Variants in FBXL7 observed in about 807,000 individuals in gnomAD.
FBXL7 encodes F-box/LRR-repeat protein 7.
FBXL7 carries 12 observed loss-of-function variants against 38.3 expected under a neutral mutation model. The ratio of observed to expected loss-of-function variants is 0.31; its 90% CI spans 0.20 to 0.51. The LOEUF (loss-of-function observed/expected upper bound fraction) is 0.51, where lower values mean the gene tolerates loss of function less well. Among genes scored for constraint, FBXL7 ranks in the 20% least tolerant of loss-of-function variants. The probability of loss-of-function intolerance (pLI) is 0.98; values close to 1 mark genes in which losing one functional copy is unlikely to be tolerated. For synonymous variants in FBXL7, 297 were observed against 300.9 expected, an observed-to-expected ratio of 0.99 and a Z score of 0.13; for missense variants, 567 against 676.4, an observed-to-expected ratio of 0.84 and a Z score of 1.79.
chr5:15,571,486 C>T (rs1212880920), intron 1 of FBXL7, among the ~76,000 whole-genome samples: 1 of 152,048 alleles, frequency 6.6e-6, no homozygotes, highest in African/African-American at 2.4e-5. Flanking sequence ...TGATTTGAAC[C>T]CAGTGGCTTT....
At chr5:15,591,773 C>T (rs920892839) in intron 1 of FBXL7, among the ~76,000 whole-genome samples, 12 of 152,056 alleles carry the variant, frequency 7.9e-5, no homozygotes, top group Non-Finnish European at 1.2e-4. Flanking sequence ...TGCAGTGTCA[C>T]GATCTTGGCT....
At chr5:15,559,504 C>T (rs887053814) in intron 1 of FBXL7, among the ~76,000 whole-genome samples, 3 of 152,040 alleles carry the variant, frequency 2.0e-5, no homozygotes, top group Admixed American at 1.3e-4. Flanking sequence ...ATCAGAGAAC[C>T]GACGTGACTT....
chr5:15,852,132 T>C lies in FBXL7; in HGVS notation c.128-75758T>C, dbSNP rs78385098. Among the ~76,000 whole-genome samples the C allele has an allele frequency of 4.0e-3, 610 of 152,266 alleles. 2 individuals carry two copies. Among genetic ancestry groups the C allele is most frequent in the Non-Finnish European group, 6.6e-3 (452 of 68,024 alleles). ...AGTACATGCTAGATCATAGCTGACT[T>C]GCACTATCCTTCCAAACTTTGGAAT... On this transcript the variant is annotated intron_variant, in intron 2 of 3. Coordinates refer to ENST00000504595, the MANE Select transcript of FBXL7 (RefSeq NM_012304.5).
chr5:15,827,389 G>A lies in FBXL7; in HGVS notation c.128-100501G>A, dbSNP rs534999926. The stretch of plus-strand genomic sequence containing the variant: ...GGTCATTGGAGCTCAATTGAATAGC[G>A]TATGTCAAACAAATAGCAGGTCAAA... On this transcript the variant is annotated intron_variant, in intron 2 of 3. Transcript: ENST00000504595. 8.5e-5 allele frequency among the ~76,000 whole-genome samples: 13 copies of A among 152,204 alleles called. No homozygotes were observed. The East Asian group carries it at 1.2e-3, about 14-fold the overall frequency.
intron 2 of FBXL7, among the ~76,000 whole-genome samples, chr5:15,632,824 G>C (rs898713093): frequency 1.3e-5 from 2 of 152,030 alleles, no homozygotes; most frequent in Admixed American, 1.3e-4. Context: ...GAGTACTCAC[G>C]GACATAAAGA....
At chr5:15,932,186 C>T (rs1742054173) in intron 3 of FBXL7, among the ~76,000 whole-genome samples, 1 of 152,116 alleles carries the variant, frequency 6.6e-6, no homozygotes, top group Non-Finnish European at 1.5e-5. Flanking sequence ...GTTAAAAATT[C>T]CTCATCAGTA....
chr5:15,750,647 G>A (rs1377439317), intron 2 of FBXL7, among the ~76,000 whole-genome samples: 1 of 152,104 alleles, frequency 6.6e-6, no homozygotes, highest in Non-Finnish European at 1.5e-5. Context: ...TGAAGCCTAT[G>A]TCTTGGGCCA....
intron 2 of FBXL7, among the ~76,000 whole-genome samples, chr5:15,630,938 GTTTTTTGTGAGGAGTA>G (rs1478093345): frequency 1.6e-4 from 24 of 152,044 alleles, no homozygotes; most frequent in African/African-American, 5.5e-4. Context: ...TACCTCCTGT[GTTTTTTGTGAGGAGTA>G]AATTAAAAAA....
chr5:15,788,211 C>T (rs1427540053), intron 2 of FBXL7, among the ~76,000 whole-genome samples: 2 of 152,172 alleles, frequency 1.3e-5, no homozygotes, highest in African/African-American at 4.8e-5. Flanking sequence ...CTAATTATAT[C>T]TGCAAAGATT....
chr5:15,541,834 C>A (rs1737763211), intron 1 of FBXL7, among the ~76,000 whole-genome samples: 1 of 151,986 alleles, frequency 6.6e-6, no homozygotes, highest in African/African-American at 2.4e-5. Flanking sequence ...CATGAGCCAC[C>A]ATGCCTGGCT....
chr5:15,597,032 G>T (rs1739644044), intron 1 of FBXL7, among the ~76,000 whole-genome samples: 1 of 152,198 alleles, frequency 6.6e-6, no homozygotes, highest in Non-Finnish European at 1.5e-5. Flanking sequence ...GTAGCCAGTT[G>T]ATTAGAAGTA....
At chr5:15,812,725 A>G (rs1450024818) in intron 2 of FBXL7, among the ~76,000 whole-genome samples, 1 of 152,110 alleles carries the variant, frequency 6.6e-6, no homozygotes, top group African/African-American at 2.4e-5. Context: ...TTTGGGCAGT[A>G]TGGCCATTTT....
chr5:15,728,529 T>C (rs529725797), intron 2 of FBXL7, among the ~76,000 whole-genome samples: 3 of 152,304 alleles, frequency 2.0e-5, no homozygotes, highest in East Asian at 3.8e-4. Flanking sequence ...TAATAAGATA[T>C]GGCTATTGGA....
intron 2 of FBXL7, among the ~76,000 whole-genome samples, chr5:15,829,440 A>G (rs746357333): frequency 3.3e-5 from 5 of 151,888 alleles, no homozygotes; most frequent in African/African-American, 7.3e-5. Flanking sequence ...CATGTTCTAT[A>G]TGTACCCTCT....
At chr5:15,528,054 G>A (rs2126385985) in intron 1 of FBXL7, among the ~76,000 whole-genome samples, 1 of 152,266 alleles carries the variant, frequency 6.6e-6, no homozygotes, top group African/African-American at 2.4e-5. Context: ...ATTTGGATAT[G>A]CATTTCCAGT....
At chr5:15,856,085 A>G (rs1739262076) in intron 2 of FBXL7, among the ~76,000 whole-genome samples, 1 of 152,202 alleles carries the variant, frequency 6.6e-6, no homozygotes, top group Non-Finnish European at 1.5e-5. Flanking sequence ...GTTTCATTGG[A>G]CATATACTTC....
At chr5:15,631,672 A>G (rs1451665071) in intron 2 of FBXL7, among the ~76,000 whole-genome samples, 1 of 108,986 alleles carries the variant, frequency 9.2e-6, no homozygotes, top group Non-Finnish European at 2.1e-5. Context: ...GACTCCAAAA[A>G]AAAAAAAAAA....
chr5:15,503,632 A>G (rs1001580558), intron 1 of FBXL7, among the ~76,000 whole-genome samples: 6 of 152,116 alleles, frequency 3.9e-5, no homozygotes, highest in African/African-American at 4.8e-5. Context: ...TTCTTCCACC[A>G]TGTGGATGTC....
intron 1 of FBXL7, among the ~76,000 whole-genome samples, chr5:15,509,817 C>T (rs1013557292): frequency 6.6e-6 from 1 of 152,182 alleles, no homozygotes; most frequent in Non-Finnish European, 1.5e-5. Context: ...GCGGAAAAAC[C>T]TGGCCTGCCT....
Sources: gnomAD v4.1 joint callset for allele counts (sites outside exome capture counted in the v4.1 genomes callset) on GRCh38, gnomAD v4.1.1 for gene constraint, MANE v1.5 for transcripts, NCBI Gene and HGNC (gene_info 2026-07-23, HGNC 2026-07-21) for gene names.